DISP3: variants seen among roughly 807,000 people sequenced by gnomAD.
The protein encoded by DISP3 is protein dispatched homolog 3.
A neutral mutation model predicts 135.3 loss-of-function variants in DISP3; 101 were observed. That is an observed-to-expected ratio of 0.75 (90% CI 0.64 to 0.88). The LOEUF (loss-of-function observed/expected upper bound fraction) is 0.88. Ranked by LOEUF, DISP3 falls within the 40% of genes least tolerant of loss-of-function variation. The pLI, the probability that DISP3 is intolerant of heterozygous loss-of-function variation, is 0.00. For missense variants in DISP3, 1,713 were observed against 1,878.6 expected (o/e 0.91, Z 1.63); for synonymous variants, 856 against 817.0 (o/e 1.05, Z -0.81).
intron 1 of DISP3, among the ~76,000 whole-genome samples, chr1:11,487,636 C>T (rs567844415): frequency 3.3e-5 from 5 of 152,358 alleles, no homozygotes; most frequent in Admixed American, 1.3e-4. Context: ...GCTTCACCTC[C>T]TCCAGCTGCT....
rs1478221718 is a variant in DISP3, at chr1:11,517,561, G to C, written c.1848G>C (p.Trp616Cys). Residue 616 changes from tryptophan (W) to cysteine (C), a missense_variant, in exon 7 of 21, where the codon TGG becomes TGC. Around this residue, in one of 2 missense-constraint regions of DISP3, gnomAD observed 1,142 missense variants for 1,384.6 expected, o/e 0.82. Coordinates refer to ENST00000294484, the MANE Select transcript of DISP3 (RefSeq NM_020780.2). ...LVTMPAALGL[W>C]SLYLAPLESS... ...CCATGCCTGCAGCTCTGGGCCTCTG[G>C]AGCCTCTACCTGGCACCACTGGAGA... is the stretch of plus-strand genomic sequence containing the variant. The C allele has an allele frequency of 6.2e-7, 1 of 1,614,060 alleles. No individual in the cohort carries two copies. The highest frequency in any genetic ancestry group is 8.5e-7 in the Non-Finnish European group (1 of 1,180,054).
Position 11,483,158 on chromosome 1 carries a change from A to G in DISP3, c.-4+3786A>G, listed in dbSNP as rs904006786. ...CTCTCTGCCTGGCCGCTGGGAGACC[A>G]GACAGCCGCACTCCACTCTGCACCA... On this transcript the variant is annotated intron_variant, in intron 1 of 20. Coordinates refer to ENST00000294484, the MANE Select transcript of DISP3 (RefSeq NM_020780.2). This position sits in a 1 kb window ranked among gnomAD's most constrained non-coding sequence, Gnocchi z 5.4. Among the ~76,000 whole-genome samples the G allele has an allele frequency of 6.6e-6, 1 of 152,214 alleles. No homozygotes were observed. Among genetic ancestry groups the G allele is most frequent in the African/African-American group, 2.4e-5 (1 of 41,462 alleles).
chr1:11,516,032 C>G lies in DISP3; in HGVS notation c.1620C>G (p.Thr540=). ...GVDDVFVFIN[T]YRQATHLEDP... ...ACGATGTCTTTGTGTTCATCAACAC[C>G]TACCGCCAGGCCACCCACCTGGAAG... is the stretch of plus-strand genomic sequence containing the variant. The change falls in exon 6 of 21, where the codon ACC becomes ACG. Residue 540 remains threonine, a synonymous_variant. Transcript: ENST00000294484. The surrounding 1 kb of genome is among the most constrained non-coding windows in gnomAD (Gnocchi z 5.1). 1.2e-6 allele frequency: 2 copies of G among 1,614,054 alleles called. No individual in the cohort carries two copies. Among genetic ancestry groups the G allele is most frequent in the Non-Finnish European group, 1.7e-6 (2 of 1,179,964 alleles).
chr1:11,501,044 CAGG>C lies in DISP3; in HGVS notation c.60_62del (p.Glu22del). 1.9e-6 allele frequency: 3 copies of C among 1,613,892 alleles called. No homozygotes were observed. The highest frequency in any genetic ancestry group is 1.3e-5 in the African/African-American group (1 of 75,048). On this transcript the variant is annotated inframe_deletion, in exon 2 of 21. Transcript: ENST00000294484. This position sits in a 1 kb window ranked among gnomAD's most constrained non-coding sequence, Gnocchi z 4.9. Reference sequence around the variant, plus strand: ...GCAGGATGTGTGGCTAGAGGAGGAGCAGGAGGAGGAAGAAGCAACGGGTGAAAC... The same window carrying C: ...GCAGGATGTGTGGCTAGAGGAGGAGCAGGAGGAAGAAGCAACGGGTGAAAC...
rs574258680 is a variant in DISP3, at chr1:11,529,660, G to C, written c.2903G>C (p.Gly968Ala). 5.6e-5 allele frequency: 90 copies of C among 1,607,878 alleles called. No individual in the cohort carries two copies. The highest frequency in any genetic ancestry group is 4.9e-4 in the Middle Eastern group (3 of 6,066). The change falls in exon 14 of 21, where the codon GGC becomes GCC. Residue 968 changes from glycine to alanine, a missense_variant. This residue lies in a region of DISP3 where 1,142 missense variants were observed against 1,384.6 expected (regional missense o/e 0.82). Coordinates refer to ENST00000294484, the MANE Select transcript of DISP3 (RefSeq NM_020780.2). The surrounding 1 kb of genome is among the most constrained non-coding windows in gnomAD (Gnocchi z 4.7). ...LSSSPDGPTKGFFFVPSEKVP... is the reference protein window; with the variant it reads ...LSSSPDGPTKAFFFVPSEKVP... ...TCCAGCCCCGATGGGCCTACCAAAG[G>C]CTTCTTCTTCGTGCCTAGTGAGAAA...
At position 11,520,002 on chromosome 1, in the gene DISP3, C is replaced by T. The variant is rs948486003; in HGVS notation, c.2200+122C>T. 1 of 887,098 alleles carries T rather than the reference C, an allele frequency of 1.1e-6. No homozygotes were observed. The highest frequency in any genetic ancestry group is 2.6e-5 in the East Asian group (1 of 38,236). 55.0% of individuals were successfully genotyped at this position (887,098 alleles called of 1,614,324 possible). A position where few individuals can be genotyped will look rare whatever the true frequency, so the allele number is the denominator to read the frequency against. ...TCAGAGGCCTGGGCTGGGGTCTCTCCCTCTCTGACCCCCCCTCTTTCCTGT... is the reference window on the plus strand; with the variant it reads ...TCAGAGGCCTGGGCTGGGGTCTCTCTCTCTCTGACCCCCCCTCTTTCCTGT... On this transcript the variant is annotated intron_variant, in intron 9 of 20. Transcript: ENST00000294484. This position sits in a 1 kb window ranked among gnomAD's most constrained non-coding sequence, Gnocchi z 4.8.
chr1:11,509,002 A>G (rs935416295), intron 3 of DISP3, among the ~76,000 whole-genome samples: 1 of 152,116 alleles, frequency 6.6e-6, no homozygotes, highest in Non-Finnish European at 1.5e-5. Flanking sequence ...AAGGCCATCG[A>G]TTTGAAACTT....
chr1:11,521,525 G>C (rs1244262382), intron 10 of DISP3, among the ~76,000 whole-genome samples: 3 of 142,846 alleles, frequency 2.1e-5, no homozygotes, highest in African/African-American at 5.3e-5. Context: ...GGAGGGGAGA[G>C]GAGAGAAGAG....
At chr1:11,525,379 C>G (rs1642384326) in intron 12 of DISP3, 67 bp downstream of exon 12, 9 of 1,550,542 alleles carry the variant, frequency 5.8e-6, no homozygotes, top group African/African-American at 1.4e-5. Flanking sequence ...CAGGGCCACA[C>G]TGGTGGGCAG....
intron 3 of DISP3, among the ~76,000 whole-genome samples, chr1:11,508,283 T>A (rs1641759447): frequency 6.6e-6 from 1 of 152,108 alleles, no homozygotes; most frequent in Admixed American, 6.5e-5. Flanking sequence ...CCAGGCATGG[T>A]GACACATGCC....
rs769075638 is a variant in DISP3 at position 11,502,822 on chromosome 1, G to T, written c.1241G>T (p.Arg414Leu). 1.2e-6 allele frequency: 2 copies of T among 1,614,190 alleles called. No individual in the cohort carries two copies. Among genetic ancestry groups the T allele is most frequent in the East Asian group, 2.2e-5 (1 of 44,882 alleles). Residue 414 changes from arginine to leucine, a missense_variant, in exon 3 of 21, where the codon CGC (arginine) becomes CTC (leucine). Arg to Leu is a moderately radical substitution (Grantham distance 102). Coordinates refer to ENST00000294484, the MANE Select transcript of DISP3 (RefSeq NM_020780.2). ...CCCAACTACTACTCAGTAGATGACC[G>T]CTGGGAGGAACAACGGGCTAAGTTT... ...PLPNYYSVDD[R>L]WEEQRAKFQS...
rs1641588004 is a variant in DISP3 at position 11,502,807 on chromosome 1, A to G, written c.1226A>G (p.Tyr409Cys). Residue 409 changes from tyrosine (Y) to cysteine (C), a missense_variant, in exon 3 of 21, where the codon TAC (tyrosine) becomes TGC (cysteine). Physicochemically the swap from Tyr to Cys is radical, Grantham distance 194. Around this residue, in one of 2 missense-constraint regions of DISP3, gnomAD observed 1,142 missense variants for 1,384.6 expected, o/e 0.82. Coordinates refer to ENST00000294484, the MANE Select transcript of DISP3 (RefSeq NM_020780.2). ...TTTGGAGCACCCCTGCCCAACTACT[A>G]CTCAGTAGATGACCGCTGGGAGGAA... Reference protein sequence around the residue: ...ILFGAPLPNYYSVDDRWEEQR... With the variant: ...ILFGAPLPNYCSVDDRWEEQR... 6.2e-7 allele frequency: 1 copy of G among 1,614,024 alleles called. No homozygotes were observed. The highest frequency in any genetic ancestry group is 1.7e-5 in the Admixed American group (1 of 60,004).
intron 1 of DISP3, among the ~76,000 whole-genome samples, chr1:11,479,850 C>G (rs973783059): frequency 1.1e-4 from 16 of 152,140 alleles, no homozygotes; most frequent in Admixed American, 1.3e-4. Flanking sequence ...ACCTAGCGTA[C>G]TCGTGCTCTC....
At chr1:11,530,880 G>A (rs768599232) in intron 15 of DISP3, 27 bp from the exon 16 acceptor site, 21 of 1,612,480 alleles carry the variant, frequency 1.3e-5, no homozygotes, top group Middle Eastern at 1.6e-4. Flanking sequence ...TGAGCGGCCC[G>A]GGCCGGCTTG....
At chr1:11,521,810 G>T (rs1384044207) in intron 10 of DISP3, among the ~76,000 whole-genome samples, 3 of 152,146 alleles carry the variant, frequency 2.0e-5, no homozygotes, top group Non-Finnish European at 4.4e-5. Context: ...TGGCCCAGTG[G>T]ACTGGGATAG....
rs1343035414 is a variant in DISP3, at chr1:11,520,259, G to T, written c.2200+379G>T. On this transcript the variant is annotated intron_variant, in intron 9 of 20. Transcript: ENST00000294484. This position sits in a 1 kb window ranked among gnomAD's most constrained non-coding sequence, Gnocchi z 4.8. ...GATGAGAACGGTGGCTAGGAAGGCA[G>T]CTGTCAGTGGAGAGTATGTATAAAG... Among the ~76,000 whole-genome samples, 1 of 152,220 alleles carries T rather than the reference G, an allele frequency of 6.6e-6. No homozygotes were observed. Among genetic ancestry groups the T allele is most frequent in the Non-Finnish European group, 1.5e-5 (1 of 68,032 alleles).
chr1:11,492,793 T>C (rs1209462740), intron 1 of DISP3, among the ~76,000 whole-genome samples: 1 of 152,170 alleles, frequency 6.6e-6, no homozygotes, highest in Non-Finnish European at 1.5e-5. Context: ...AGGATCTTCT[T>C]GCTGGGGAAA....
intron 1 of DISP3, among the ~76,000 whole-genome samples, chr1:11,480,104 C>A (rs1640854055): frequency 6.6e-6 from 1 of 152,214 alleles, no homozygotes; most frequent in Non-Finnish European, 1.5e-5. Context: ...GAGAACTTTT[C>A]CCAACTCCCT....
chr1:11,535,142 T>TGGCG lies in DISP3; in HGVS notation c.3649+21_3649+22insGGGC. On this transcript the variant is annotated intron_variant, in intron 19 of 20. Coordinates refer to ENST00000294484, the MANE Select transcript of DISP3 (RefSeq NM_020780.2). ...CATCTTGGGTACGTGGGCGAGGGGC[T>TGGCG]GGCAGGCACCCTGCTGGTAGGGACG... 6.3e-7 allele frequency: 1 copy of TGGCG among 1,581,008 alleles called. No individual in the cohort carries two copies. Among genetic ancestry groups the TGGCG allele is most frequent in the Non-Finnish European group, 8.6e-7 (1 of 1,163,674 alleles).
Sources: gnomAD v4.1 joint callset for allele counts (sites outside exome capture counted in the v4.1 genomes callset) on GRCh38, gnomAD v4.1.1 for gene constraint, gnomAD v4.1.1 regional missense constraint, Gnocchi (gnomAD v3.1) non-coding constraint, MANE v1.5 for transcripts, NCBI Gene and HGNC (gene_info 2026-07-23, HGNC 2026-07-21) for gene names.